Variants in FOCAD observed in about 807,000 individuals in gnomAD.
FOCAD encodes KIAA1797.
Under a neutral mutation model 225.6 loss-of-function variants are expected in FOCAD, and 198 were observed. The observed-to-expected ratio is 0.88, with a 90% CI of 0.78 to 0.99. FOCAD has a LOEUF of 0.99. Ranked by LOEUF, FOCAD falls within the 50% of genes least tolerant of loss-of-function variation. The pLI is 0.00. For synonymous variants in FOCAD, 897 were observed against 755.0 expected (o/e 1.19, Z -3.08); for missense variants, 2,713 against 2,123.6 (o/e 1.28, Z -5.46).
chr9:20,896,216 G>T (rs1214494016), intron 21 of FOCAD, among the ~76,000 whole-genome samples: 1 of 151,824 alleles, frequency 6.6e-6, no homozygotes, highest in Admixed American at 6.6e-5. Flanking sequence ...AATCCATGTG[G>T]TTGTGGTGTA....
chr9:20,778,006 C>T (rs980929379), intron 8 of FOCAD, among the ~76,000 whole-genome samples: 7 of 137,998 alleles, frequency 5.1e-5, no homozygotes, highest in Non-Finnish European at 9.2e-5. Flanking sequence ...AGGAGAATGG[C>T]GTGAACCCGG....
intron 11 of FOCAD, among the ~76,000 whole-genome samples, chr9:20,812,800 GT>G (rs1320139472): frequency 1.3e-5 from 2 of 152,032 alleles, no homozygotes; most frequent in East Asian, 3.9e-4. Context: ...GTAAAATAAA[GT>G]TGTTAAGCTA....
At chr9:20,783,996 C>T (rs1819660912) in intron 10 of FOCAD, among the ~76,000 whole-genome samples, 1 of 152,180 alleles carries the variant, frequency 6.6e-6, no homozygotes, top group South Asian at 2.1e-4. Context: ...TAGGGAGCAG[C>T]TACTACCTCT....
chr9:20,828,140 A>G (rs1587325955), intron 15 of FOCAD, among the ~76,000 whole-genome samples: 1 of 151,744 alleles, frequency 6.6e-6, no homozygotes, highest in South Asian at 2.1e-4. Context: ...ATGAAAGAGC[A>G]AGACTCTGTC....
At chr9:20,823,170 G>C in intron 15 of FOCAD, 55 bp downstream of exon 15, 1 of 1,546,434 alleles carries the variant, frequency 6.5e-7, no homozygotes, top group Non-Finnish European at 8.8e-7. Context: ...TTATAAGGCA[G>C]AGTGGGTACA....
chr9:20,712,650 ACT>A lies in FOCAD; in HGVS notation c.-32-2669_-32-2668del, dbSNP rs572394279. 1.2e-4 allele frequency among the ~76,000 whole-genome samples: 18 copies of A among 149,166 alleles called. 1 individual carries two copies. In the South Asian group the frequency reaches 2.8e-3, roughly 23 times the overall value. On this transcript the variant is annotated intron_variant, in intron 1 of 43. Transcript: ENST00000338382. ...ACTCCAGCCTGGGTGACAGAGTGAGACTCTGTCTCACAAAAAAGAAAAAAAAA... is the reference window on the plus strand; with the variant it reads ...ACTCCAGCCTGGGTGACAGAGTGAGACTGTCTCACAAAAAAGAAAAAAAAA...
intron 42 of FOCAD, among the ~76,000 whole-genome samples, chr9:20,990,972 C>A (rs185425032): frequency 3.3e-5 from 5 of 152,294 alleles, no homozygotes; most frequent in Admixed American, 3.3e-4. Flanking sequence ...GATAGTATCA[C>A]CCTTGCCCTC....
rs57898324 is a variant in FOCAD, at chr9:20,824,430, G to T, written c.1920+1315G>T. Reference sequence around the variant, plus strand: ...TTAACATTTTTTCTTATAATAAATAGTAATTTAGCCTTATTGCTTTTATGA... The same window carrying T: ...TTAACATTTTTTCTTATAATAAATATTAATTTAGCCTTATTGCTTTTATGA... On this transcript the variant is annotated intron_variant, in intron 15 of 43. Coordinates refer to ENST00000338382, the MANE Select transcript of FOCAD (RefSeq NM_001375567.1). Among the ~76,000 whole-genome samples the T allele has an allele frequency of 3.3e-5, 5 of 152,056 alleles. No individual in the cohort carries two copies. The East Asian group carries it at 9.7e-4, about 29-fold the overall frequency.
At chr9:20,668,263 T>G (rs773531128) in intron 2 of FOCAD, among the ~76,000 whole-genome samples, 1 of 152,128 alleles carries the variant, frequency 6.6e-6, no homozygotes, top group Non-Finnish European at 1.5e-5. Context: ...ACCCCAGAAT[T>G]ATATGATCTT....
chr9:20,662,320 CA>C (rs1327425314), intron 2 of FOCAD, among the ~76,000 whole-genome samples: 2 of 152,108 alleles, frequency 1.3e-5, no homozygotes, highest in Non-Finnish European at 2.9e-5. Flanking sequence ...GTAGTCTGCA[CA>C]AAAGCCTCCA....
At chr9:20,849,862 C>G (rs1314817145) in intron 15 of FOCAD, among the ~76,000 whole-genome samples, 1 of 151,840 alleles carries the variant, frequency 6.6e-6, no homozygotes, top group Admixed American at 6.6e-5. Flanking sequence ...CCTATCTCTA[C>G]TTGTAAATCT....
chr9:20,721,450 C>G (rs1018424806), intron 4 of FOCAD, among the ~76,000 whole-genome samples: 14 of 152,060 alleles, frequency 9.2e-5, no homozygotes, highest in African/African-American at 2.9e-4. Flanking sequence ...GCCTGTAATC[C>G]TAGCACTTTG....
intron 10 of FOCAD, among the ~76,000 whole-genome samples, 174 bp from the exon 11 acceptor site, chr9:20,789,177 G>A (rs949017244): frequency 1.3e-5 from 2 of 152,052 alleles, no homozygotes; most frequent in Non-Finnish European, 2.9e-5. Flanking sequence ...TTTTCTCTTT[G>A]TGTAATCCTA....
chr9:20,765,334 T>C (rs1359911303), intron 7 of FOCAD, among the ~76,000 whole-genome samples: 1 of 152,216 alleles, frequency 6.6e-6, no homozygotes, highest in Non-Finnish European at 1.5e-5. Flanking sequence ...ATGAAAACTT[T>C]CCTTTGTTTA....
chr9:20,809,629 C>A (rs1347576241), intron 11 of FOCAD, among the ~76,000 whole-genome samples: 1 of 152,132 alleles, frequency 6.6e-6, no homozygotes, highest in East Asian at 1.9e-4. Context: ...TTTTGTCTTA[C>A]TTTTTGTCTA....
chr9:20,867,279 G>A (rs1009339401), intron 18 of FOCAD, among the ~76,000 whole-genome samples: 9 of 151,920 alleles, frequency 5.9e-5, no homozygotes, highest in Admixed American at 5.9e-4. Context: ...CACTCATAGG[G>A]ATCACTTTGC....
intron 29 of FOCAD, among the ~76,000 whole-genome samples, chr9:20,946,310 C>T (rs1278197712): frequency 6.6e-6 from 1 of 152,152 alleles, no homozygotes; most frequent in Non-Finnish European, 1.5e-5. Context: ...GATGGGAATG[C>T]ATGGCAATTA....
At chr9:20,783,978 A>T (rs1226221311) in intron 10 of FOCAD, among the ~76,000 whole-genome samples, 4 of 152,238 alleles carry the variant, frequency 2.6e-5, no homozygotes, top group African/African-American at 9.6e-5. Context: ...ATATTACAGT[A>T]GTAAATGTAG....
chr9:20,907,819 G>A (rs1035372578), intron 22 of FOCAD, among the ~76,000 whole-genome samples: 1 of 151,898 alleles, frequency 6.6e-6, no homozygotes, highest in Non-Finnish European at 1.5e-5. Context: ...CAATTTATCT[G>A]GTCAGGCACT....
Sources: allele counts gnomAD v4.1 joint callset (sites outside exome capture counted in the v4.1 genomes callset), GRCh38; gene constraint gnomAD v4.1.1; transcripts MANE v1.5; gene names NCBI Gene and HGNC (gene_info 2026-07-23, HGNC 2026-07-21).